The following RAB11FIP1 variants were observed in gnomAD, a reference collection of about 807,000 sequenced individuals.
RAB11FIP1 encodes the protein rab11 family-interacting protein 1.
A neutral mutation model predicts 83.1 loss-of-function variants in RAB11FIP1; 49 were observed. The ratio of observed to expected loss-of-function variants is 0.59; its 90% CI spans 0.47 to 0.75. RAB11FIP1 has a LOEUF of 0.75. Ranked by LOEUF, RAB11FIP1 falls within the 30% of genes least tolerant of loss-of-function variation. RAB11FIP1 has a pLI of 0.00. For synonymous variants in RAB11FIP1, 670 were observed against 656.0 expected (o/e 1.02, Z -0.33); for missense variants, 1,536 against 1,598.7 (o/e 0.96, Z 0.67).
At chr8:37,880,344 G>C (rs1051322769) in intron 1 of RAB11FIP1, among the ~76,000 whole-genome samples, 6 of 152,158 alleles carry the variant, frequency 3.9e-5, no homozygotes, top group African/African-American at 9.6e-5. Flanking sequence ...TGTCCCCCAG[G>C]CTGGAGTGCA....
chr8:37,872,888 A>T lies in RAB11FIP1; in HGVS notation c.1914T>A (p.Thr638=). The T allele has an allele frequency of 6.2e-7, 1 of 1,614,230 alleles. No individual in the cohort carries two copies. Among genetic ancestry groups the T allele is most frequent in the Non-Finnish European group, 8.5e-7 (1 of 1,180,032 alleles). The change falls in exon 4 of 6, where the codon ACT becomes ACA. Residue 638 remains threonine (T), a synonymous_variant. Coordinates refer to ENST00000330843, the MANE Select transcript of RAB11FIP1 (RefSeq NM_001002814.3). ...PPLLPKAELQ[T]ESLTPVPNSG... Reference sequence around the variant, plus strand: ...AATTTGGAACCGGTGTTAAACTCTCAGTTTGCAACTCTGCCTTAGGGAGCA... The same window carrying T: ...AATTTGGAACCGGTGTTAAACTCTCTGTTTGCAACTCTGCCTTAGGGAGCA...
intron 1 of RAB11FIP1, among the ~76,000 whole-genome samples, chr8:37,889,477 C>A (rs1026714666): frequency 1.3e-5 from 2 of 152,218 alleles, no homozygotes; most frequent in African/African-American, 2.4e-5. Context: ...TCACCTCTTG[C>A]TCAAATGTAA....
At chr8:37,892,471 T>A (rs1255473942) in intron 1 of RAB11FIP1, among the ~76,000 whole-genome samples, 2 of 135,234 alleles carry the variant, frequency 1.5e-5, no homozygotes, top group African/African-American at 2.7e-5. Context: ...TTATTTATTT[T>A]GAGACGGAGT....
chr8:37,892,193 C>T (rs926106990), intron 1 of RAB11FIP1, among the ~76,000 whole-genome samples: 1 of 152,116 alleles, frequency 6.6e-6, no homozygotes, highest in African/African-American at 2.4e-5. Context: ...TATGTCAGGT[C>T]AGTTGAACCT....
rs778333048 is a variant in RAB11FIP1, at chr8:37,877,215, A to G, written c.708T>C (p.Ser236=). The G allele has an allele frequency of 6.2e-7, 1 of 1,614,158 alleles. No individual in the cohort carries two copies. The highest frequency in any genetic ancestry group is 8.5e-7 in the Non-Finnish European group (1 of 1,180,006). The change falls in exon 2 of 6, where the codon TCT becomes TCC. Residue 236 remains serine (S), a synonymous_variant. Transcript: ENST00000330843. ...LQKTPLSQSM[S]VLPTSKPEKV... is the part of the protein sequence containing the mutation. Reference sequence around the variant, plus strand: ...TTTCTGGCTTTGAAGTCGGCAGGACAGACATGGACTGGGAAAGAGGCGTCT... The same window carrying G: ...TTTCTGGCTTTGAAGTCGGCAGGACGGACATGGACTGGGAAAGAGGCGTCT...
In RAB11FIP1 at chr8:37,871,749, G is replaced by A. The variant is rs773009031; in HGVS notation, c.3053C>T (p.Ala1018Val). ...PERGKGPSGE[A>V]DRLVLGEGLC... Reference sequence around the variant, plus strand: ...GCCCTCCCCCAGTACCAACCTATCTGCCTCGCCACTGGGCCCCTTTCCCCT... The same window carrying A: ...GCCCTCCCCCAGTACCAACCTATCTACCTCGCCACTGGGCCCCTTTCCCCT... The change falls in exon 4 of 6, where the codon GCA becomes GTA. Residue 1018 changes from alanine to valine, a missense_variant. Coordinates refer to ENST00000330843, the MANE Select transcript of RAB11FIP1 (RefSeq NM_001002814.3). 6.2e-7 allele frequency: 1 copy of A among 1,613,604 alleles called. No individual in the cohort carries two copies. Among genetic ancestry groups the A allele is most frequent in the Non-Finnish European group, 8.5e-7 (1 of 1,179,968 alleles).
intron 1 of RAB11FIP1, among the ~76,000 whole-genome samples, chr8:37,879,635 C>A (rs1806696088): frequency 6.6e-6 from 1 of 152,030 alleles, no homozygotes; most frequent in African/African-American, 2.4e-5. Context: ...GTAATCCCAG[C>A]ACTTTGGGAG....
chr8:37,891,082 C>T (rs537244894), intron 1 of RAB11FIP1, among the ~76,000 whole-genome samples: 1 of 152,188 alleles, frequency 6.6e-6, no homozygotes, highest in Non-Finnish European at 1.5e-5. Context: ...CAAAGTCAGG[C>T]TTGGTCTCCT....
chr8:37,868,819 G>T (rs1366324432), intron 5 of RAB11FIP1, among the ~76,000 whole-genome samples: 1 of 152,066 alleles, frequency 6.6e-6, no homozygotes, highest in Non-Finnish European at 1.5e-5. Flanking sequence ...CATAATTTTA[G>T]AGACCCTCCA....
chr8:37,871,230 A>AG, intron 4 of RAB11FIP1, 48 bp downstream of exon 4: 1 of 1,541,778 alleles, frequency 6.5e-7, no homozygotes, highest in Non-Finnish European at 8.7e-7. Flanking sequence ...TAGGAAGCAA[A>AG]GGGGGACATT....
rs1382915975 is a variant in RAB11FIP1, at chr8:37,861,991, A to G, written c.*904T>C. 1 of 182,178 alleles carries G rather than the reference A, an allele frequency of 5.5e-6. No individual in the cohort carries two copies. Among genetic ancestry groups the G allele is most frequent in the Non-Finnish European group, 1.2e-5 (1 of 85,034 alleles). The allele number at this position is 182,178 out of a possible 1,614,324, so 11.3% of individuals were successfully genotyped here. A position where few individuals can be genotyped will look rare whatever the true frequency, so the allele number is the denominator to read the frequency against. ...AGCACCGAGCAAAGGCACAGGGGGA[A>G]AAGGCCAAGCAATCGTATTGACATC... On this transcript the variant is annotated 3_prime_UTR_variant, in exon 6 of 6. Coordinates refer to ENST00000330843, the MANE Select transcript of RAB11FIP1 (RefSeq NM_001002814.3).
chr8:37,881,426 T>C (rs879812157), intron 1 of RAB11FIP1, among the ~76,000 whole-genome samples: 33 of 152,226 alleles, frequency 2.2e-4, no homozygotes, highest in Admixed American at 1.9e-3. Flanking sequence ...ACATTTAAGC[T>C]TCTCATTTAA....
At chr8:37,884,875 G>A (rs911432283) in intron 1 of RAB11FIP1, among the ~76,000 whole-genome samples, 6 of 151,822 alleles carry the variant, frequency 4.0e-5, no homozygotes, top group African/African-American at 1.5e-4. Flanking sequence ...TAGAGATAGG[G>A]TCTTGCTATG....
chr8:37,898,842 G>T (rs1013507581), intron 1 of RAB11FIP1, among the ~76,000 whole-genome samples: 73 of 145,730 alleles, frequency 5.0e-4, no homozygotes, highest in African/African-American at 1.8e-3. Flanking sequence ...AAAAAAAAGC[G>T]CCCCAGATAC....
In RAB11FIP1 at chr8:37,858,645, C is replaced by G. The variant is rs1040595028; in HGVS notation, c.*4250G>C. The stretch of plus-strand genomic sequence containing the variant: ...GGAAAGACCCTGTCCAAATGCTCAG[C>G]CAAGGGTACCGGCTGCAAAGGAAAA... On this transcript the variant is annotated 3_prime_UTR_variant, in exon 6 of 6. Transcript: ENST00000330843. 6.6e-6 allele frequency: 1 copy of G among 152,258 alleles called. No homozygotes were observed. The highest frequency in any genetic ancestry group is 2.4e-5 in the African/African-American group (1 of 41,462). The allele number at this position is 152,258 out of a possible 1,614,324, so 9.4% of individuals were successfully genotyped here. A position where few individuals can be genotyped will look rare whatever the true frequency, so the allele number is the denominator to read the frequency against.
At chr8:37,889,465 T>C (rs1475960836) in intron 1 of RAB11FIP1, among the ~76,000 whole-genome samples, 2 of 152,222 alleles carry the variant, frequency 1.3e-5, no homozygotes, top group African/African-American at 4.8e-5. Context: ...AAATCCAGTA[T>C]CTCACCTCTT....
At chr8:37,891,096 G>A (rs1806939280) in intron 1 of RAB11FIP1, among the ~76,000 whole-genome samples, 1 of 152,128 alleles carries the variant, frequency 6.6e-6, no homozygotes, top group Admixed American at 6.6e-5. Context: ...GTCTCCTCCT[G>A]AGCCAGCTGG....
chr8:37,899,404 G>GC lies in RAB11FIP1; in HGVS notation c.37dup (p.Ala13GlyfsTer115). The stretch of plus-strand genomic sequence containing the variant: ...CTGCACGTGGGTTGGGGACCACACG[G>GC]CCCCCAGGCCCCGGCCAGCCGAGAC... On this transcript the variant is annotated frameshift_variant, in exon 1 of 6. Coordinates refer to ENST00000330843, the MANE Select transcript of RAB11FIP1 (RefSeq NM_001002814.3). LOFTEE classifies it high-confidence loss of function. The surrounding 1 kb of genome is among the most constrained non-coding windows in gnomAD (Gnocchi z 4.5). 1 of 1,587,984 alleles carries GC rather than the reference G, an allele frequency of 6.3e-7. No individual in the cohort carries two copies. Among genetic ancestry groups the GC allele is most frequent in the Non-Finnish European group, 8.6e-7 (1 of 1,169,338 alleles).
At chr8:37,878,784 G>A (rs1320971801) in intron 1 of RAB11FIP1, among the ~76,000 whole-genome samples, 1 of 151,198 alleles carries the variant, frequency 6.6e-6, no homozygotes, top group Non-Finnish European at 1.5e-5. Context: ...AGGATCACTT[G>A]AGGCCAGGAG....
Sources: allele counts gnomAD v4.1 joint callset (sites outside exome capture counted in the v4.1 genomes callset), GRCh38; gene constraint gnomAD v4.1.1; non-coding constraint Gnocchi (gnomAD v3.1); transcripts MANE v1.5; gene names NCBI Gene and HGNC (gene_info 2026-07-23, HGNC 2026-07-21).